Variants in PPP6R2 observed in about 807,000 individuals in gnomAD.
The protein encoded by PPP6R2 is protein phosphatase 6 regulatory subunit 2, also known as serine/threonine-protein phosphatase 6 regulatory subunit 2.
In PPP6R2, 62 loss-of-function variants were observed where a neutral mutation model predicts 100.2. The observed-to-expected ratio is 0.62, with a 90% CI of 0.50 to 0.76. PPP6R2 has a LOEUF of 0.76. PPP6R2 is among the 30% of genes least tolerant of loss of function. The probability of loss-of-function intolerance (pLI) is 0.00; values close to 1 mark genes in which losing one functional copy is unlikely to be tolerated. For synonymous variants in PPP6R2, 525 were observed against 514.7 expected (o/e 1.02, Z -0.27); for missense variants, 1,142 against 1,276.3 (o/e 0.89, Z 1.60).
At chr22:50,381,856 T>C (rs559256569) in intron 2 of PPP6R2, among the ~76,000 whole-genome samples, 8 of 148,284 alleles carry the variant, frequency 5.4e-5, no homozygotes, top group South Asian at 2.1e-4. Context: ...TGCAGTGTGC[T>C]GAGATCACAC....
intron 2 of PPP6R2, among the ~76,000 whole-genome samples, chr22:50,390,609 A>AGGTTGC: frequency 6.6e-6 from 1 of 151,744 alleles, no homozygotes; most frequent in African/African-American, 2.4e-5. Flanking sequence ...CAGTGAGCCA[A>AGGTTGC]AGTTGCACCA....
Position 50,343,398 on chromosome 22 carries a change from C to T in PPP6R2, c.-300C>T, listed in dbSNP as rs975464073. The T allele has an allele frequency of 2.6e-5, 4 of 151,304 alleles. No individual in the cohort carries two copies. The highest frequency in any genetic ancestry group is 3.9e-4 in the East Asian group (2 of 5,136). The allele number at this position is 151,304 out of a possible 1,614,324, so 9.4% of individuals were successfully genotyped here. A position where few individuals can be genotyped will look rare whatever the true frequency, so the allele number is the denominator to read the frequency against. ...GTCTCGAGCCGCCGGCCGGCCGTGCCGGTGTCCGTAGGCGCTGCGCCCTCG... is the reference window on the plus strand; with the variant it reads ...GTCTCGAGCCGCCGGCCGGCCGTGCTGGTGTCCGTAGGCGCTGCGCCCTCG... On this transcript the variant is annotated 5_prime_UTR_variant, in exon 1 of 24. Transcript: ENST00000612753.
intron 13 of PPP6R2, 59 bp downstream of exon 13, chr22:50,435,140 C>T (rs2063947838): frequency 7.3e-7 from 1 of 1,369,082 alleles, no homozygotes; most frequent in Non-Finnish European, 9.7e-7. Context: ...CCCGAAGGAG[C>T]TGCCGCCTGA....
In PPP6R2 at chr22:50,414,705, C is replaced by T. The variant is rs115621755; in HGVS notation, c.552+16C>T. On this transcript the variant is annotated intron_variant, in intron 5 of 23. Transcript: ENST00000612753. ...CGTCCTGCACGTGAGTGCGGGAGTC[C>T]CCCCCCGTTCCCGAGGGCAGGGGTG... 552,514 of 1,591,370 alleles carry T rather than the reference C, an allele frequency of 0.35. 99,046 individuals are homozygous for T. The highest frequency in any genetic ancestry group is 0.66 in the East Asian group (29,102 of 44,402).
rs552396043 is a variant in PPP6R2, at chr22:50,437,725, T to G, written c.1782-118T>G. 8.0e-6 allele frequency: 11 copies of G among 1,379,264 alleles called. No homozygotes were observed. The South Asian group carries it at 1.2e-4, about 15-fold the overall frequency. The allele number at this position is 1,379,264 out of a possible 1,614,324, so 85.4% of individuals were successfully genotyped here. On this transcript the variant is annotated intron_variant, in intron 16 of 23. Transcript: ENST00000612753. Reference sequence around the variant, plus strand: ...TCTGATGTCCCCGGGAGACAGCAGGTGTTCCCAGTTGTGTGAGGGTGCTGA... The same window carrying G: ...TCTGATGTCCCCGGGAGACAGCAGGGGTTCCCAGTTGTGTGAGGGTGCTGA...
chr22:50,434,837 A>G, intron 12 of PPP6R2, 129 bp from the exon 13 acceptor site: 3 of 753,392 alleles, frequency 4.0e-6, no homozygotes, highest in Non-Finnish European at 6.2e-6. Context: ...GGGGGCGCGG[A>G]CACTGGGCAG....
rs145830725 is a variant in PPP6R2, at chr22:50,432,661, C to T, written c.1400+332C>T. 3.0e-3 allele frequency among the ~76,000 whole-genome samples: 451 copies of T among 152,348 alleles called. 5 individuals carry two copies. The East Asian group carries it at 0.051, about 17-fold the overall frequency. On this transcript the variant is annotated intron_variant, in intron 12 of 23. Coordinates refer to ENST00000612753, the MANE Select transcript of PPP6R2 (RefSeq NM_001242898.2). ...ATCTTCCCCAGGAACTCGGGCCCTC[C>T]GTCAGCACTCGCACACAGGGACGCG...
rs150925555 is a variant in PPP6R2 at position 50,386,285 on chromosome 22, G to A, written c.-16-7608G>A. Among the ~76,000 whole-genome samples, 465 of 151,868 alleles carry A rather than the reference G, an allele frequency of 3.1e-3. 3 individuals are homozygous for A. Among genetic ancestry groups the A allele is most frequent in the South Asian group, 9.4e-3 (45 of 4,798 alleles). The stretch of plus-strand genomic sequence containing the variant: ...AGCCTCCAAGTAGCTGGGATTACAG[G>A]TGCCCGCCACCATACCCAGCTAATT... On this transcript the variant is annotated intron_variant, in intron 2 of 23. Coordinates refer to ENST00000612753, the MANE Select transcript of PPP6R2 (RefSeq NM_001242898.2).
At chr22:50,424,728 C>A (rs1436067982) in intron 10 of PPP6R2, among the ~76,000 whole-genome samples, 1 of 149,342 alleles carries the variant, frequency 6.7e-6, no homozygotes, top group Non-Finnish European at 1.5e-5. Context: ...ATCTCCGACT[C>A]CCTGGTTCAA....
the PPP6R2 span, among the ~76,000 whole-genome samples, chr22:50,335,262 A>G: frequency 0.2 from 25,774 of 128,582 alleles, 2,738 homozygotes; most frequent in South Asian, 0.26. Flanking sequence ...ATGGGTTTTC[A>G]CCGTGTTAGC....
chr22:50,406,616 G>A, intron 3 of PPP6R2, 73 bp from the exon 4 acceptor site: 1 of 1,423,588 alleles, frequency 7.0e-7, no homozygotes, highest in Non-Finnish European at 9.7e-7. Flanking sequence ...CTAAGAAGCA[G>A]ACTATGTAAG....
chr22:50,438,406 C>A, intron 18 of PPP6R2, 108 bp downstream of exon 18: 1 of 1,517,682 alleles, frequency 6.6e-7, no homozygotes, highest in Non-Finnish European at 8.9e-7. Context: ...GCAGCCACAC[C>A]TGTCCTGCCA....
chr22:50,440,197 A>C (rs5770920), intron 21 of PPP6R2, 148 bp downstream of exon 21: 87,680 of 756,978 alleles, frequency 0.12, 7,599 homozygotes, highest in East Asian at 0.38. Flanking sequence ...TGATACAGCA[A>C]TGGGACTGGA....
intron 10 of PPP6R2, among the ~76,000 whole-genome samples, chr22:50,430,598 G>T (rs1603383472): frequency 2.0e-5 from 3 of 152,354 alleles, no homozygotes; most frequent in East Asian, 3.9e-4. Context: ...AAGAAGCCAG[G>T]CCTGGTGACT....
At position 50,439,985 on chromosome 22, in the gene PPP6R2, C is replaced by T. The variant is rs761016476; in HGVS notation, c.2310C>T (p.Ser770=). 2.5e-6 allele frequency: 4 copies of T among 1,613,610 alleles called. No homozygotes were observed. Among genetic ancestry groups the T allele is most frequent in the Middle Eastern group, 3.3e-4 (2 of 6,058 alleles). Reference sequence around the variant, plus strand: ...GCTCCGAGTCAGGGCCCAGGTGCAGCTCTCCGGTGGACACAGAATGCAGCC... The same window carrying T: ...GCTCCGAGTCAGGGCCCAGGTGCAGTTCTCCGGTGGACACAGAATGCAGCC... ...FCCSESGPRC[S]SPVDTECSHA... Residue 770 remains serine, a synonymous_variant, in exon 21 of 24, where the codon AGC becomes AGT. Transcript: ENST00000612753.
intron 1 of PPP6R2, among the ~76,000 whole-genome samples, chr22:50,351,040 T>G (rs28850319): frequency 0.17 from 19,325 of 110,666 alleles, 2,136 homozygotes; most frequent in South Asian, 0.34. Context: ...TTTTTTTTTT[T>G]TTTTTTTTTT....
intron 1 of PPP6R2, among the ~76,000 whole-genome samples, chr22:50,367,534 C>T (rs2049010742): frequency 6.6e-6 from 1 of 151,954 alleles, no homozygotes; most frequent in Non-Finnish European, 1.5e-5. Context: ...CCTGGAGCTG[C>T]CCGTCTCTCC....
intron 2 of PPP6R2, among the ~76,000 whole-genome samples, chr22:50,381,840 G>A (rs1214781033): frequency 6.6e-6 from 1 of 151,618 alleles, no homozygotes; most frequent in South Asian, 2.1e-4. Flanking sequence ...CCCGGGAGGC[G>A]GAGCTTGCAG....
intron 10 of PPP6R2, among the ~76,000 whole-genome samples, chr22:50,426,881 G>T (rs1459855057): frequency 6.7e-6 from 1 of 150,372 alleles, no homozygotes; most frequent in Non-Finnish European, 1.5e-5. Context: ...AATGGTCTCG[G>T]CCTAATTGTT....
Sources: allele counts gnomAD v4.1 joint callset (sites outside exome capture counted in the v4.1 genomes callset), GRCh38; gene constraint gnomAD v4.1.1; transcripts MANE v1.5; gene names NCBI Gene and HGNC (gene_info 2026-07-23, HGNC 2026-07-21).